CCSER1: variants seen among roughly 807,000 people sequenced by gnomAD.
CCSER1 encodes the protein coiled-coil serine rich protein 1.
CCSER1 carries 41 observed loss-of-function variants against 82.0 expected under a neutral mutation model. That is an observed-to-expected ratio of 0.50 (90% CI 0.39 to 0.65). CCSER1 has a LOEUF of 0.65. CCSER1 is among the 30% of genes least tolerant of loss of function. The pLI is 0.00. For missense variants in CCSER1, 1,119 were observed against 1,064.2 expected (o/e 1.05, Z -0.72); for synonymous variants, 414 against 383.9 (o/e 1.08, Z -0.92).
At chr4:91,193,023 T>A (rs555930318) in intron 10 of CCSER1, among the ~76,000 whole-genome samples, 87 of 152,170 alleles carry the variant, frequency 5.7e-4, no homozygotes, top group Non-Finnish European at 1.1e-3. Flanking sequence ...TTCCTCAAAC[T>A]ATACATGCAA....
chr4:90,578,371 C>T (rs1435392384), intron 5 of CCSER1, among the ~76,000 whole-genome samples: 1 of 152,090 alleles, frequency 6.6e-6, no homozygotes, highest in Non-Finnish European at 1.5e-5. Flanking sequence ...CTTGTAGAGG[C>T]CACCTATATT....
At chr4:91,117,424 A>G (rs1367281791) in intron 10 of CCSER1, among the ~76,000 whole-genome samples, 1 of 152,214 alleles carries the variant, frequency 6.6e-6, no homozygotes, top group African/African-American at 2.4e-5. Flanking sequence ...GACCTATGTC[A>G]GGGTTATTGT....
At chr4:91,105,252 A>C (rs2148860242) in intron 10 of CCSER1, among the ~76,000 whole-genome samples, 1 of 151,750 alleles carries the variant, frequency 6.6e-6, no homozygotes, top group East Asian at 1.9e-4. Context: ...TTAGGGGAGG[A>C]CATAACATAC....
chr4:91,053,562 G>C (rs1303562664), intron 9 of CCSER1, among the ~76,000 whole-genome samples: 2 of 152,122 alleles, frequency 1.3e-5, no homozygotes, highest in African/African-American at 4.8e-5. Flanking sequence ...TATGTTCACA[G>C]ACCTCCAGAG....
intron 10 of CCSER1, among the ~76,000 whole-genome samples, chr4:91,122,845 G>GAATTT (rs1727205450): frequency 2.0e-5 from 3 of 151,784 alleles, no homozygotes; most frequent in South Asian, 2.1e-4. Context: ...ATACAAGAGT[G>GAATTT]GACATGTGAA....
chr4:91,126,358 C>T (rs73837278), intron 10 of CCSER1, among the ~76,000 whole-genome samples: 1 of 151,952 alleles, frequency 6.6e-6, no homozygotes, highest in East Asian at 1.9e-4. Flanking sequence ...CTTTCAGAAA[C>T]TTTTATGCTT....
chr4:90,328,468 A>G (rs1367048475), intron 3 of CCSER1, among the ~76,000 whole-genome samples: 1 of 152,150 alleles, frequency 6.6e-6, no homozygotes, highest in African/African-American at 2.4e-5. Flanking sequence ...AGAAGCAGCA[A>G]TTCTGTCATT....
intron 10 of CCSER1, among the ~76,000 whole-genome samples, chr4:91,134,679 C>A (rs554916337): frequency 1.3e-5 from 2 of 152,226 alleles, no homozygotes; most frequent in South Asian, 4.2e-4. Flanking sequence ...GCAGTCATCA[C>A]AACAATAATT....
intron 9 of CCSER1, among the ~76,000 whole-genome samples, chr4:91,082,890 T>A (rs1045915528): frequency 6.6e-5 from 10 of 152,058 alleles, no homozygotes; most frequent in Non-Finnish European, 1.3e-4. Flanking sequence ...AGAATGACGA[T>A]CATTAAAAAG....
chr4:90,396,853 G>T (rs1752034403), intron 3 of CCSER1, among the ~76,000 whole-genome samples: 3 of 151,674 alleles, frequency 2.0e-5, no homozygotes, highest in Admixed American at 2.0e-4. Flanking sequence ...AAAGGACCTT[G>T]ATTTTTATTA....
chr4:90,163,363 G>A (rs546679866), intron 1 of CCSER1, among the ~76,000 whole-genome samples: 2 of 152,182 alleles, frequency 1.3e-5, no homozygotes, highest in East Asian at 3.9e-4. Context: ...TAGCTCTTTA[G>A]GCCTTGAATT....
At chr4:91,349,153 T>C (rs112217922) in intron 10 of CCSER1, among the ~76,000 whole-genome samples, 13,141 of 152,130 alleles carry the variant, frequency 0.086, 1,908 homozygotes, top group African/African-American at 0.3. Context: ...GTGATCTGCC[T>C]GCCTCGGCCT....
chr4:90,985,040 G>T (rs1317005544), intron 9 of CCSER1, among the ~76,000 whole-genome samples: 2 of 151,750 alleles, frequency 1.3e-5, no homozygotes, highest in Non-Finnish European at 2.9e-5. Context: ...TTTTGGATTG[G>T]AAAGGAACTG....
intron 9 of CCSER1, among the ~76,000 whole-genome samples, chr4:91,060,182 T>C (rs1375577618): frequency 6.6e-6 from 1 of 152,098 alleles, no homozygotes; most frequent in Non-Finnish European, 1.5e-5. Context: ...TTAATAAAAA[T>C]ATTCAACTAG....
At chr4:91,221,799 A>G (rs1712294215) in intron 10 of CCSER1, among the ~76,000 whole-genome samples, 1 of 152,256 alleles carries the variant, frequency 6.6e-6, no homozygotes, top group African/African-American at 2.4e-5. Context: ...AATGCTGGAA[A>G]CAGTCCATTA....
At chr4:91,077,923 G>C (rs986123954) in intron 9 of CCSER1, among the ~76,000 whole-genome samples, 4 of 152,248 alleles carry the variant, frequency 2.6e-5, no homozygotes. Flanking sequence ...GCTGAGGCTT[G>C]AGTAGGTAAA....
At position 90,230,426 on chromosome 4, in the gene CCSER1, G is replaced by A. The variant is rs987985138; in HGVS notation, c.-41-77818G>A. Among the ~76,000 whole-genome samples the A allele has an allele frequency of 3.8e-4, 58 of 151,568 alleles. 1 individual carries two copies. The highest frequency in any genetic ancestry group is 6.5e-4 in the Non-Finnish European group (44 of 67,644). Reference sequence around the variant, plus strand: ...TAAAGATGTTCTTTGAAACCAACGAGAACAAAGACACAACATACCAGAATC... The same window carrying A: ...TAAAGATGTTCTTTGAAACCAACGAAAACAAAGACACAACATACCAGAATC... On this transcript the variant is annotated intron_variant, in intron 1 of 10. Coordinates refer to ENST00000509176, the MANE Select transcript of CCSER1 (RefSeq NM_001145065.2).
chr4:91,069,380 A>T (rs975651403), intron 9 of CCSER1, among the ~76,000 whole-genome samples: 9 of 152,158 alleles, frequency 5.9e-5, no homozygotes, highest in African/African-American at 2.2e-4. Context: ...ATGAATTTGA[A>T]TGGTTAATAT....
intron 10 of CCSER1, among the ~76,000 whole-genome samples, chr4:91,093,262 C>G (rs1008904565): frequency 3.3e-5 from 5 of 152,194 alleles, no homozygotes; most frequent in African/African-American, 7.2e-5. Flanking sequence ...CGTATAACTC[C>G]CAGTCCACTG....
Sources: allele counts gnomAD v4.1 joint callset (sites outside exome capture counted in the v4.1 genomes callset), GRCh38; gene constraint gnomAD v4.1.1; transcripts MANE v1.5; gene names NCBI Gene and HGNC (gene_info 2026-07-23, HGNC 2026-07-21).